AGBL1: variants seen among roughly 807,000 people sequenced by gnomAD.
AGBL1 encodes the protein cytosolic carboxypeptidase 4.
Under a neutral mutation model 118.9 loss-of-function variants are expected in AGBL1, and 130 were observed. The observed-to-expected ratio is 1.09, with a 90% CI of 0.95 to 1.26. The LOEUF (loss-of-function observed/expected upper bound fraction) is 1.26. Ranked by LOEUF, AGBL1 falls within the 50% of genes most tolerant of loss-of-function variation. The probability of loss-of-function intolerance (pLI) is 0.00; values close to 1 mark genes in which losing one functional copy is unlikely to be tolerated. For missense variants in AGBL1, 1,584 were observed against 1,298.1 expected (o/e 1.22, Z -3.38); for synonymous variants, 555 against 478.9 (o/e 1.16, Z -2.08).
intron 5 of AGBL1, among the ~76,000 whole-genome samples, chr15:86,167,190 A>AG (rs1198388028): frequency 1.3e-5 from 2 of 151,880 alleles, no homozygotes; most frequent in African/African-American, 4.8e-5. Context: ...TCTTATCAGG[A>AG]GGGACTCTTG....
intron 22 of AGBL1, among the ~76,000 whole-genome samples, chr15:86,728,224 A>G (rs1326328398): frequency 2.6e-5 from 4 of 152,210 alleles, no homozygotes; most frequent in Non-Finnish European, 5.9e-5. Context: ...TTACCCAGGA[A>G]ATACACAGTG....
intron 14 of AGBL1, 56 bp from the exon 15 acceptor site, chr15:86,271,563 T>C: frequency 7.3e-7 from 1 of 1,364,338 alleles, no homozygotes; most frequent in East Asian, 2.3e-5. Flanking sequence ...GGTCATTATT[T>C]GGCCCAGAAC....
intron 18 of AGBL1, among the ~76,000 whole-genome samples, chr15:86,479,812 A>C (rs2082624258): frequency 6.6e-6 from 1 of 152,202 alleles, no homozygotes; most frequent in African/African-American, 2.4e-5. Flanking sequence ...ACTATTCACA[A>C]TAGCAAAGAC....
intron 9 of AGBL1, among the ~76,000 whole-genome samples, chr15:86,258,612 T>C (rs1469711032): frequency 6.6e-6 from 1 of 152,254 alleles, no homozygotes; most frequent in Non-Finnish European, 1.5e-5. Context: ...TTAGGCTTTG[T>C]GGACCATACA....
intron 10 of AGBL1, 79 bp from the exon 11 acceptor site, chr15:86,264,179 A>G: frequency 1.7e-6 from 2 of 1,203,760 alleles, no homozygotes; most frequent in Non-Finnish European, 2.3e-6. Flanking sequence ...CTGTGCCCAG[A>G]GAGTAAGGAC....
intron 23 of AGBL1, among the ~76,000 whole-genome samples, chr15:86,965,919 T>C (rs1050160262): frequency 2.6e-5 from 4 of 151,950 alleles, no homozygotes; most frequent in Non-Finnish European, 5.9e-5. Flanking sequence ...GGGTTGATGG[T>C]TGCAGCAAAC....
At chr15:86,236,918 C>G (rs12916149) in intron 6 of AGBL1, among the ~76,000 whole-genome samples, 8 of 119,644 alleles carry the variant, frequency 6.7e-5, no homozygotes, top group South Asian at 3.0e-4. Context: ...TCCACACACA[C>G]GGGGATATGT....
intron 18 of AGBL1, among the ~76,000 whole-genome samples, chr15:86,444,352 G>C (rs965732885): frequency 2.6e-5 from 4 of 152,150 alleles, no homozygotes; most frequent in African/African-American, 9.7e-5. Flanking sequence ...TTACTCTAGT[G>C]TTCAGGGAGA....
intron 18 of AGBL1, among the ~76,000 whole-genome samples, chr15:86,439,900 G>A (rs1042536126): frequency 2.3e-4 from 35 of 152,192 alleles, no homozygotes; most frequent in South Asian, 2.1e-4. Context: ...AGAGCACAGA[G>A]CACACGGCCC....
At chr15:86,252,187 A>G (rs1014571366) in intron 7 of AGBL1, among the ~76,000 whole-genome samples, 3 of 152,190 alleles carry the variant, frequency 2.0e-5, no homozygotes, top group Non-Finnish European at 4.4e-5. Context: ...ATAAGAACTG[A>G]TATGGCCTTT....
chr15:86,113,227 CT>C (rs1897516494), intron 1 of AGBL1, among the ~76,000 whole-genome samples: 3 of 65,034 alleles, frequency 4.6e-5, no homozygotes, highest in African/African-American at 2.6e-4. Context: ...CTTTTCTTTT[CT>C]TTTCTTTTCT....
intron 3 of AGBL1, among the ~76,000 whole-genome samples, chr15:86,149,502 A>G (rs2077078036): frequency 1.3e-5 from 2 of 152,254 alleles, no homozygotes; most frequent in South Asian, 4.1e-4. Context: ...AACAGACTTT[A>G]AACCAACAAA....
chr15:86,275,098 T>C (rs887831037), intron 15 of AGBL1, among the ~76,000 whole-genome samples: 1 of 152,182 alleles, frequency 6.6e-6, no homozygotes, highest in Non-Finnish European at 1.5e-5. Context: ...TGTGGTCTGC[T>C]TCTTCCTCTG....
chr15:86,207,132 G>T (rs1030751376), intron 5 of AGBL1, among the ~76,000 whole-genome samples: 5 of 152,060 alleles, frequency 3.3e-5, no homozygotes, highest in Non-Finnish European at 7.4e-5. Context: ...GATGTGTGGT[G>T]TTATTTCTGA....
intron 21 of AGBL1, among the ~76,000 whole-genome samples, chr15:86,672,159 T>C (rs576224790): frequency 5.3e-5 from 8 of 152,244 alleles, no homozygotes; most frequent in African/African-American, 1.9e-4. Context: ...GAGATTAATA[T>C]CAAAGGGCAA....
In AGBL1 at chr15:86,907,854, C is replaced by T. The variant is rs1160391944; in HGVS notation, c.*560C>T. On this transcript the variant is annotated 3_prime_UTR_variant, in exon 23 of 23. Transcript: ENST00000614907. ...TGTGCATCCAAGTAATTGCAGGTTTCATCTGTGATCTTCTCAAGCAGCATA... is the reference window on the plus strand; with the variant it reads ...TGTGCATCCAAGTAATTGCAGGTTTTATCTGTGATCTTCTCAAGCAGCATA... 1 of 152,200 alleles carries T rather than the reference C, an allele frequency of 6.6e-6. No homozygotes were observed. Among genetic ancestry groups the T allele is most frequent in the African/African-American group, 2.4e-5 (1 of 41,456 alleles). 9.4% of individuals were successfully genotyped at this position (152,200 alleles called of 1,614,324 possible).
At chr15:86,978,195 T>C (rs1344583866) in intron 23 of AGBL1, among the ~76,000 whole-genome samples, 1 of 152,120 alleles carries the variant, frequency 6.6e-6, no homozygotes, top group African/African-American at 2.4e-5. Context: ...GGTTGAAATT[T>C]TCATATCTGA....
At chr15:86,190,899 A>T (rs2077708710) in intron 5 of AGBL1, among the ~76,000 whole-genome samples, 1 of 152,212 alleles carries the variant, frequency 6.6e-6, no homozygotes, top group Admixed American at 6.5e-5. Context: ...TGGGGAAAAC[A>T]TTACCCAAGA....
chr15:86,966,369 C>T (rs1268471916), intron 23 of AGBL1, among the ~76,000 whole-genome samples: 1 of 150,076 alleles, frequency 6.7e-6, no homozygotes, highest in Non-Finnish European at 1.5e-5. Flanking sequence ...TACATGGGCA[C>T]AATATGCAGG....
Sources: gnomAD v4.1 joint callset for allele counts (sites outside exome capture counted in the v4.1 genomes callset) on GRCh38, gnomAD v4.1.1 for gene constraint, MANE v1.5 for transcripts, NCBI Gene and HGNC (gene_info 2026-07-23, HGNC 2026-07-21) for gene names.